The following DIAPH2 variants were observed in gnomAD, a reference collection of about 807,000 sequenced individuals.
The protein encoded by DIAPH2 is protein diaphanous homolog 2.
Under a neutral mutation model 92.7 loss-of-function variants are expected in DIAPH2, and 35 were observed. The ratio of observed to expected loss-of-function variants is 0.38; its 90% CI spans 0.29 to 0.50. DIAPH2 has a LOEUF of 0.50. Among genes scored for constraint, DIAPH2 ranks in the 20% least tolerant of loss-of-function variants. The pLI, the probability that DIAPH2 is intolerant of heterozygous loss-of-function variation, is 0.94. For missense variants in DIAPH2, 701 were observed against 819.5 expected, an observed-to-expected ratio of 0.86 and a Z score of 1.77; for synonymous variants, 301 against 280.4, an observed-to-expected ratio of 1.07 and a Z score of -0.73.
intron 17 of DIAPH2, among the ~76,000 whole-genome samples, chrX:97,067,672 G>A (rs944212319): frequency 4.5e-5 from 5 of 111,269 alleles, no homozygotes; most frequent in African/African-American, 1.3e-4. Context: ...ATTAGTCTCC[G>A]TTTTATTTTT....
At chrX:97,316,485 C>CAAAAAAAAA (rs55897560) in intron 23 of DIAPH2, among the ~76,000 whole-genome samples, 20 of 59,242 alleles carry the variant, frequency 3.4e-4, no homozygotes, top group Non-Finnish European at 5.3e-4. Flanking sequence ...ACTAAAAATA[C>CAAAAAAAAA]AAAAAAAAAA....
chrX:97,335,055 C>T (rs1333072760), intron 23 of DIAPH2, among the ~76,000 whole-genome samples: 1 of 78,205 alleles, frequency 1.3e-5, no homozygotes, highest in Non-Finnish European at 2.6e-5. Context: ...TGGTTTAAAA[C>T]AGTTTTGTCT....
chrX:97,541,703 A>G (rs2071141571), intron 26 of DIAPH2, among the ~76,000 whole-genome samples: 2 of 112,109 alleles, frequency 1.8e-5, no homozygotes, highest in Admixed American at 1.9e-4. Flanking sequence ...TTCATAGTGT[A>G]TATGTGCACA....
At chrX:97,025,645 C>T (rs918074911) in intron 17 of DIAPH2, among the ~76,000 whole-genome samples, 1 of 110,139 alleles carries the variant, frequency 9.1e-6, no homozygotes, top group African/African-American at 3.3e-5. Flanking sequence ...GAGCAAGACT[C>T]CGTCTCAAAA....
At chrX:97,163,381 G>A (rs1452993828) in intron 22 of DIAPH2, among the ~76,000 whole-genome samples, 2 of 110,528 alleles carry the variant, frequency 1.8e-5, no homozygotes, top group Non-Finnish European at 3.8e-5. Flanking sequence ...TCAGAGCTGG[G>A]GTTTTGCCAT....
chrX:97,415,407 T>C (rs1364985197), intron 25 of DIAPH2, among the ~76,000 whole-genome samples: 2 of 112,088 alleles, frequency 1.8e-5, no homozygotes, highest in Admixed American at 9.5e-5. Context: ...TGCACACGTT[T>C]GTTTATTGCA....
intron 25 of DIAPH2, among the ~76,000 whole-genome samples, chrX:97,425,179 T>C (rs1487308755): frequency 4.5e-5 from 5 of 111,494 alleles, no homozygotes; most frequent in African/African-American, 1.6e-4. Context: ...CTTGTACTTA[T>C]ATATCTCTAA....
At chrX:96,994,788 A>G (rs2066093970) in intron 17 of DIAPH2, among the ~76,000 whole-genome samples, 1 of 110,962 alleles carries the variant, frequency 9.0e-6, no homozygotes, top group Non-Finnish European at 1.9e-5. Flanking sequence ...CCCTTATAAA[A>G]CTATTCAGAT....
chrX:97,408,073 T>G (rs1291286972), intron 25 of DIAPH2, among the ~76,000 whole-genome samples: 3 of 111,851 alleles, frequency 2.7e-5, no homozygotes, highest in Non-Finnish European at 5.7e-5. Flanking sequence ...ATTTTGTAAT[T>G]CTATACCATT....
At chrX:96,908,222 A>G (rs1272620201) in intron 5 of DIAPH2, among the ~76,000 whole-genome samples, 1 of 111,920 alleles carries the variant, frequency 8.9e-6, no homozygotes, top group Admixed American at 9.5e-5. Context: ...TTAAAATGAT[A>G]AATTTTACTA....
intron 3 of DIAPH2, among the ~76,000 whole-genome samples, chrX:96,746,546 TG>T (rs1280438509): frequency 1.8e-5 from 2 of 110,948 alleles, no homozygotes; most frequent in African/African-American, 3.3e-5. Flanking sequence ...TTTTTTCTTT[TG>T]TTTTTTTTGT....
intron 17 of DIAPH2, among the ~76,000 whole-genome samples, chrX:97,045,164 G>A (rs930956689): frequency 2.3e-4 from 26 of 112,021 alleles, no homozygotes; most frequent in African/African-American, 8.4e-4. Flanking sequence ...GGATTTGTGC[G>A]ATAAAAGACA....
At chrX:97,285,082 A>C (rs2147604831) in intron 23 of DIAPH2, among the ~76,000 whole-genome samples, 1 of 112,004 alleles carries the variant, frequency 8.9e-6, no homozygotes, top group Non-Finnish European at 1.9e-5. Context: ...CATTACACCA[A>C]GTGTGAGGCC....
chrX:97,104,901 C>T (rs922280309), intron 20 of DIAPH2, among the ~76,000 whole-genome samples: 1 of 111,887 alleles, frequency 8.9e-6, no homozygotes, highest in African/African-American at 3.3e-5. Flanking sequence ...CTTTGGGAGG[C>T]CAATGCAGGC....
chrX:97,105,533 A>C (rs1287168799), intron 20 of DIAPH2, among the ~76,000 whole-genome samples: 2 of 111,435 alleles, frequency 1.8e-5, no homozygotes, highest in Non-Finnish European at 1.9e-5. Context: ...CTAGGGAAAA[A>C]AGCACAGATT....
intron 22 of DIAPH2, among the ~76,000 whole-genome samples, chrX:97,170,142 G>A (rs1231937795): frequency 9.0e-6 from 1 of 111,373 alleles, no homozygotes; most frequent in East Asian, 2.8e-4. Context: ...CACCAAGAAA[G>A]CAGTTAGATA....
At chrX:96,702,376 A>G (rs190157967) in intron 1 of DIAPH2, among the ~76,000 whole-genome samples, 13 of 112,369 alleles carry the variant, frequency 1.2e-4, no homozygotes, top group Admixed American at 9.5e-4. Context: ...AAGCATTATC[A>G]GGGTTAAAGT....
intron 4 of DIAPH2, among the ~76,000 whole-genome samples, chrX:96,865,619 C>T (rs1343411371): frequency 8.9e-6 from 1 of 111,869 alleles, no homozygotes; most frequent in Admixed American, 9.5e-5. Context: ...CTGGCAGGCC[C>T]CTGGAAGGAG....
chrX:96,890,263 C>A (rs2065298434), intron 5 of DIAPH2, among the ~76,000 whole-genome samples: 1 of 111,957 alleles, frequency 8.9e-6, no homozygotes, highest in Non-Finnish European at 1.9e-5. Flanking sequence ...AGCCTTCCAG[C>A]TCTAAGCCTC....
Sources: gnomAD v4.1 joint callset for allele counts (sites outside exome capture counted in the v4.1 genomes callset) on GRCh38, gnomAD v4.1.1 for gene constraint, MANE v1.5 for transcripts, NCBI Gene and HGNC (gene_info 2026-07-23, HGNC 2026-07-21) for gene names.